Variants in ADAT1 observed in about 807,000 individuals in gnomAD.
The protein encoded by ADAT1 is adenosine deaminase tRNA specific 1.
A neutral mutation model predicts 58.6 loss-of-function variants in ADAT1; 58 were observed. The ratio of observed to expected loss-of-function variants is 0.99; its 90% CI spans 0.80 to 1.23. ADAT1 has a LOEUF of 1.23. Ranked by LOEUF, ADAT1 falls within the 50% of genes most tolerant of loss-of-function variation. The pLI is 0.00. For synonymous variants in ADAT1, 254 were observed against 220.8 expected, an observed-to-expected ratio of 1.15 and a Z score of -1.33; for missense variants, 741 against 608.6, an observed-to-expected ratio of 1.22 and a Z score of -2.29.
chr16:75,615,855 T>C (rs2081694933), intron 5 of ADAT1, among the ~76,000 whole-genome samples: 1 of 152,220 alleles, frequency 6.6e-6, no homozygotes, highest in African/African-American at 2.4e-5. Context: ...TATTACAGCT[T>C]GAGAGGAGCT....
chr16:75,597,745 A>T lies in ADAT1; in HGVS notation c.*2471T>A, dbSNP rs970635026. Among the ~76,000 whole-genome samples, 2 of 152,242 alleles carry T rather than the reference A, an allele frequency of 1.3e-5. No individual in the cohort carries two copies. The highest frequency in any genetic ancestry group is 1.3e-4 in the Admixed American group (2 of 15,288). ...ACAGATCATCAGGCATTATATTCTC[A>T]TAAGGAGTGTGCAACCTAGATCCCT... On this transcript the variant is annotated 3_prime_UTR_variant, in exon 10 of 10. Transcript: ENST00000564657.
At chr16:75,606,320 T>C (rs2081372360) in intron 8 of ADAT1, among the ~76,000 whole-genome samples, 1 of 152,198 alleles carries the variant, frequency 6.6e-6, no homozygotes, top group Non-Finnish European at 1.5e-5. Flanking sequence ...TGGTCCCCAG[T>C]GATTCTTGCC....
intron 8 of ADAT1, among the ~76,000 whole-genome samples, chr16:75,604,474 T>A (rs57783734): frequency 1.9e-5 from 1 of 54,020 alleles, no homozygotes; most frequent in African/African-American, 1.0e-4. Flanking sequence ...TATATATATA[T>A]ACACACACAC....
chr16:75,601,485 G>A (rs1330749182), intron 9 of ADAT1, among the ~76,000 whole-genome samples: 4 of 152,056 alleles, frequency 2.6e-5, no homozygotes, highest in African/African-American at 7.2e-5. Flanking sequence ...CATGCCAGGC[G>A]GTGGCTCACG....
chr16:75,609,869 A>G (rs2151759289), intron 6 of ADAT1, among the ~76,000 whole-genome samples: 1 of 151,664 alleles, frequency 6.6e-6, no homozygotes, highest in South Asian at 2.1e-4. Flanking sequence ...ATGTCCGACT[A>G]ATTTTTAAAT....
At chr16:75,610,604 G>A (rs115850976) in intron 6 of ADAT1, among the ~76,000 whole-genome samples, 1,989 of 152,248 alleles carry the variant, frequency 0.013, 53 homozygotes, top group African/African-American at 0.044. Flanking sequence ...GCCTACTTGT[G>A]TGAATGTATG....
At chr16:75,614,558 G>A (rs1174781736) in intron 5 of ADAT1, among the ~76,000 whole-genome samples, 1 of 152,206 alleles carries the variant, frequency 6.6e-6, no homozygotes, top group Non-Finnish European at 1.5e-5. Context: ...CATCTGGAGA[G>A]GTTGGCTGGC....
chr16:75,608,441 C>A, intron 7 of ADAT1, 118 bp from the exon 8 acceptor site: 1 of 819,158 alleles, frequency 1.2e-6, no homozygotes. Flanking sequence ...TATGATGTCA[C>A]AGACAATGAC....
intron 4 of ADAT1, 21 bp from the exon 5 acceptor site, chr16:75,617,293 T>C (rs1184684377): frequency 2.5e-6 from 4 of 1,606,336 alleles, no homozygotes; most frequent in African/African-American, 2.7e-5. Flanking sequence ...CAAGATGTTA[T>C]TAGGATGAAC....
chr16:75,611,839 C>T (rs1416768325), intron 6 of ADAT1, among the ~76,000 whole-genome samples: 2 of 152,004 alleles, frequency 1.3e-5, no homozygotes, highest in Non-Finnish European at 2.9e-5. Context: ...GGGTGGATCA[C>T]CTGAGGTCAG....
At chr16:75,620,445 C>G in intron 2 of ADAT1, 111 bp from the exon 3 acceptor site, 2 of 1,444,318 alleles carry the variant, frequency 1.4e-6, no homozygotes, top group Non-Finnish European at 1.9e-6. Flanking sequence ...CCCACTCAAC[C>G]AAGGTCTGCG....
chr16:75,597,968 C>T lies in ADAT1; in HGVS notation c.*2248G>A, dbSNP rs1377545141. Among the ~76,000 whole-genome samples, 1 of 152,230 alleles carries T rather than the reference C, an allele frequency of 6.6e-6. No individual in the cohort carries two copies. Among genetic ancestry groups the T allele is most frequent in the East Asian group, 1.9e-4 (1 of 5,206 alleles). Reference sequence around the variant, plus strand: ...TGACAGGCCACAGACAAGTAATGGTCTGTGGCTCTGGGGCTGGGGGCCCCT... The same window carrying T: ...TGACAGGCCACAGACAAGTAATGGTTTGTGGCTCTGGGGCTGGGGGCCCCT... On this transcript the variant is annotated 3_prime_UTR_variant, in exon 10 of 10. Coordinates refer to ENST00000564657, the MANE Select transcript of ADAT1 (RefSeq NM_001324445.2).
chr16:75,600,820 G>A (rs1451599140), intron 9 of ADAT1, among the ~76,000 whole-genome samples: 1 of 152,158 alleles, frequency 6.6e-6, no homozygotes, highest in South Asian at 2.1e-4. Flanking sequence ...CACCCAGTCT[G>A]TATGTCTTGA....
At position 75,597,309 on chromosome 16, in the gene ADAT1, A is replaced by G. The variant is rs1161259648; in HGVS notation, c.*2907T>C. ...GGGAAGAAGGCCATGCGAGACACAG[A>G]CACAGAAGGCCATGTGAAGACGGAG... On this transcript the variant is annotated 3_prime_UTR_variant, in exon 10 of 10. Coordinates refer to ENST00000564657, the MANE Select transcript of ADAT1 (RefSeq NM_001324445.2). The G allele has an allele frequency of 2.3e-6, 1 of 429,410 alleles. No individual in the cohort carries two copies. Among genetic ancestry groups the G allele is most frequent in the East Asian group, 7.1e-5 (1 of 14,008 alleles). 26.6% of individuals were successfully genotyped at this position (429,410 alleles called of 1,614,324 possible). A position where few individuals can be genotyped will look rare whatever the true frequency, so the allele number is the denominator to read the frequency against.
rs755940667 is a variant in ADAT1, at chr16:75,598,307, G to A, written c.*1909C>T. On this transcript the variant is annotated 3_prime_UTR_variant, in exon 10 of 10. Transcript: ENST00000564657. Reference sequence around the variant, plus strand: ...GCCAGGATGGTCTTGATCTCCTGACGTCGTGATCTGCCCACCTCGGCCTCC... The same window carrying A: ...GCCAGGATGGTCTTGATCTCCTGACATCGTGATCTGCCCACCTCGGCCTCC... 4 of 298,782 alleles carry A rather than the reference G, an allele frequency of 1.3e-5. No homozygotes were observed. Among genetic ancestry groups the A allele is most frequent in the South Asian group, 4.9e-5 (2 of 41,190 alleles). The allele number at this position is 298,782 out of a possible 1,614,324, so 18.5% of individuals were successfully genotyped here. A position where few individuals can be genotyped will look rare whatever the true frequency, so the allele number is the denominator to read the frequency against.
rs1016662943 is a variant in ADAT1, at chr16:75,609,066, C to A, written c.1044-78G>T. ...TATCTAGGATTGTGGCTCACATCAT[C>A]ACCCCTGAGCCTTAGCAGGTGTGGG... On this transcript the variant is annotated intron_variant, in intron 6 of 9. Coordinates refer to ENST00000564657, the MANE Select transcript of ADAT1 (RefSeq NM_001324445.2). 10 of 1,523,526 alleles carry A rather than the reference C, an allele frequency of 6.6e-6. No individual in the cohort carries two copies. The Admixed American group carries it at 1.2e-4, about 18-fold the overall frequency. 94.4% of individuals were successfully genotyped at this position (1,523,526 alleles called of 1,614,324 possible). A position where few individuals can be genotyped will look rare whatever the true frequency, so the allele number is the denominator to read the frequency against.
At chr16:75,610,266 T>C (rs2081489904) in intron 6 of ADAT1, among the ~76,000 whole-genome samples, 1 of 152,176 alleles carries the variant, frequency 6.6e-6, no homozygotes, top group Non-Finnish European at 1.5e-5. Flanking sequence ...TTGTGAACAT[T>C]TATGTACAGG....
intron 1 of ADAT1, 109 bp from the exon 2 acceptor site, chr16:75,620,929 T>C: frequency 4.6e-6 from 4 of 873,110 alleles, no homozygotes; most frequent in Non-Finnish European, 6.7e-6. Flanking sequence ...AGACCGAGGT[T>C]TCCCTATCTG....
chr16:75,612,950 A>G, intron 5 of ADAT1, 89 bp from the exon 6 acceptor site: 1 of 1,489,212 alleles, frequency 6.7e-7, no homozygotes, highest in Non-Finnish European at 9.0e-7. Context: ...TTCATCAGAA[A>G]TGCAAACTCT....
Sources: allele counts gnomAD v4.1 joint callset (sites outside exome capture counted in the v4.1 genomes callset), GRCh38; gene constraint gnomAD v4.1.1; transcripts MANE v1.5; gene names NCBI Gene and HGNC (gene_info 2026-07-23, HGNC 2026-07-21).